Variants in AGPAT3 observed in about 807,000 individuals in gnomAD.
AGPAT3 encodes the protein 1-acyl-sn-glycerol-3-phosphate acyltransferase gamma.
In AGPAT3, 5 loss-of-function variants were observed where a neutral mutation model predicts 47.3. The ratio of observed to expected loss-of-function variants is 0.11; its 90% CI spans 0.06 to 0.22. The LOEUF is 0.22. Among genes scored for constraint, AGPAT3 ranks in the 10% least tolerant of loss-of-function variants. AGPAT3 has a pLI of 1.00. For missense variants in AGPAT3, 315 were observed against 493.0 expected, an observed-to-expected ratio of 0.64 and a Z score of 3.42; for synonymous variants, 212 against 208.3, an observed-to-expected ratio of 1.02 and a Z score of -0.15.
At chr21:43,979,298 C>CAAAAAAAAAAAAAAAAAAAA (rs540542305) in intron 8 of AGPAT3, among the ~76,000 whole-genome samples, 2 of 57,700 alleles carry the variant, frequency 3.5e-5, no homozygotes, top group African/African-American at 6.5e-5. Context: ...GACTCCAACT[C>CAAAAAAAAAAAAAAAAAAAA]AAAAAAAAAA....
intron 2 of AGPAT3, among the ~76,000 whole-genome samples, chr21:43,905,005 A>G (rs1159923863): frequency 6.6e-6 from 1 of 152,108 alleles, no homozygotes; most frequent in East Asian, 1.9e-4. Flanking sequence ...CATGAGCAAG[A>G]TTGAAGTGAC....
At chr21:43,938,545 C>T (rs1249551578) in intron 2 of AGPAT3, among the ~76,000 whole-genome samples, 6 of 152,016 alleles carry the variant, frequency 3.9e-5, no homozygotes, top group Admixed American at 6.5e-5. Context: ...CCACCAGCCT[C>T]GGCCTCCCAC....
intron 1 of AGPAT3, among the ~76,000 whole-genome samples, chr21:43,887,257 A>T (rs139900224): frequency 6.6e-6 from 1 of 152,226 alleles, no homozygotes; most frequent in Non-Finnish European, 1.5e-5. Context: ...AATATTCACC[A>T]TCTTCCTGCC....
chr21:43,977,895 A>C (rs900452515), intron 7 of AGPAT3, 151 bp from the exon 8 acceptor site: 8 of 617,376 alleles, frequency 1.3e-5, no homozygotes, highest in Non-Finnish European at 2.2e-5. Context: ...CAAAAAAAAA[A>C]AAAAGAAAAG....
rs942925648 is a variant in AGPAT3 at position 43,934,154 on chromosome 21, G to A, written c.-48-25480G>A. On this transcript the variant is annotated intron_variant, in intron 2 of 9. Coordinates refer to ENST00000291572, the MANE Select transcript of AGPAT3 (RefSeq NM_020132.5). This position sits in a 1 kb window ranked among gnomAD's most constrained non-coding sequence, Gnocchi z 4.7. ...ACAGGCAGACATGGGTGCCCGGCAC[G>A]CCAGCTCCCCGAGCACCAGCTCCCC... 3.9e-5 allele frequency among the ~76,000 whole-genome samples: 6 copies of A among 152,272 alleles called. No individual in the cohort carries two copies. The highest frequency in any genetic ancestry group is 1.9e-4 in the East Asian group (1 of 5,174).
chr21:43,914,762 G>A (rs1043788290), intron 2 of AGPAT3, among the ~76,000 whole-genome samples: 3 of 151,932 alleles, frequency 2.0e-5, no homozygotes, highest in South Asian at 4.2e-4. Flanking sequence ...GGCTGGTTTC[G>A]AACTCCTGGT....
intron 2 of AGPAT3, among the ~76,000 whole-genome samples, chr21:43,944,333 C>T (rs935208397): frequency 6.6e-6 from 1 of 152,266 alleles, no homozygotes; most frequent in African/African-American, 2.4e-5. Context: ...CCACACGTCC[C>T]TCCCCCGTGG....
At position 43,970,841 on chromosome 21, in the gene AGPAT3, T is replaced by C. The variant is rs1392088042; in HGVS notation, c.664+35T>C. 2.0e-6 allele frequency: 3 copies of C among 1,478,744 alleles called. No homozygotes were observed. The highest frequency in any genetic ancestry group is 1.8e-6 in the Non-Finnish European group (2 of 1,114,206). The allele number at this position is 1,478,744 out of a possible 1,614,324, so 91.6% of individuals were successfully genotyped here. On this transcript the variant is annotated intron_variant, in intron 6 of 9. Coordinates refer to ENST00000291572, the MANE Select transcript of AGPAT3 (RefSeq NM_020132.5). This position sits in a 1 kb window ranked among gnomAD's most constrained non-coding sequence, Gnocchi z 5.8. ...AGACTGCCCGAGCCGGGGCCACCGCTATGCTCACGGAAAATAGTGATTTCT... is the reference window on the plus strand; with the variant it reads ...AGACTGCCCGAGCCGGGGCCACCGCCATGCTCACGGAAAATAGTGATTTCT...
intron 8 of AGPAT3, among the ~76,000 whole-genome samples, chr21:43,979,164 G>GT (rs2089739778): frequency 6.6e-6 from 1 of 152,206 alleles, no homozygotes; most frequent in East Asian, 1.9e-4. Flanking sequence ...GCTGGGCCTG[G>GT]TGGCGCATGC....
chr21:43,940,973 C>T (rs1220214246), intron 2 of AGPAT3, among the ~76,000 whole-genome samples: 1 of 152,228 alleles, frequency 6.6e-6, no homozygotes, highest in Non-Finnish European at 1.5e-5. Flanking sequence ...TCCAGGCCTC[C>T]AGTGCTCGTT....
At chr21:43,962,744 C>T (rs887461412) in intron 3 of AGPAT3, among the ~76,000 whole-genome samples, 1 of 152,228 alleles carries the variant, frequency 6.6e-6, no homozygotes, top group African/African-American at 2.4e-5. Context: ...CTAGGGTTAA[C>T]AGTGACCCTT....
intron 7 of AGPAT3, among the ~76,000 whole-genome samples, chr21:43,976,071 TTA>T (rs993501023): frequency 4.0e-5 from 6 of 149,974 alleles, no homozygotes; most frequent in African/African-American, 1.5e-4. Context: ...AAAATGATTT[TTA>T]TTTTTTTTTT....
chr21:43,970,867 T>TAA lies in AGPAT3; in HGVS notation c.664+61_664+62insAA. On this transcript the variant is annotated intron_variant, in intron 6 of 9. Transcript: ENST00000291572. The surrounding 1 kb of genome is among the most constrained non-coding windows in gnomAD (Gnocchi z 5.8). ...ATGCTCACGGAAAATAGTGATTTCT[T>TAA]TAAAAAAAAAAAAAATGAGTGCATT... The TAA allele has an allele frequency of 1.4e-6, 2 of 1,392,134 alleles. No individual in the cohort carries two copies. The highest frequency in any genetic ancestry group is 9.3e-7 in the Non-Finnish European group (1 of 1,074,740). The allele number at this position is 1,392,134 out of a possible 1,614,324, so 86.2% of individuals were successfully genotyped here.
rs2087332386 is a variant in AGPAT3 at position 43,933,605 on chromosome 21, A to G, written c.-48-26029A>G. ...GTCCATGTGTTTTTATTCTTTCTTT[A>G]TGGTTGAGGAAACTGAGGCACAGCT... On this transcript the variant is annotated intron_variant, in intron 2 of 9. Coordinates refer to ENST00000291572, the MANE Select transcript of AGPAT3 (RefSeq NM_020132.5). This position sits in a 1 kb window ranked among gnomAD's most constrained non-coding sequence, Gnocchi z 6.0. Among the ~76,000 whole-genome samples, 1 of 151,028 alleles carries G rather than the reference A, an allele frequency of 6.6e-6. No individual in the cohort carries two copies. The highest frequency in any genetic ancestry group is 1.5e-5 in the Non-Finnish European group (1 of 67,826).
At chr21:43,961,848 G>A (rs1158340318) in intron 3 of AGPAT3, among the ~76,000 whole-genome samples, 1 of 152,186 alleles carries the variant, frequency 6.6e-6, no homozygotes, top group Non-Finnish European at 1.5e-5. Flanking sequence ...TCTCCTTCCA[G>A]TTCAGGAGCC....
intron 2 of AGPAT3, among the ~76,000 whole-genome samples, chr21:43,937,926 G>T (rs538298502): frequency 1.3e-5 from 2 of 152,240 alleles, no homozygotes; most frequent in Admixed American, 6.5e-5. Context: ...GGCAGAGGTT[G>T]TGTGGGCAGC....
intron 1 of AGPAT3, among the ~76,000 whole-genome samples, chr21:43,894,219 T>TC (rs1158662556): frequency 1.4e-5 from 2 of 141,268 alleles, no homozygotes; most frequent in Non-Finnish European, 3.1e-5. Context: ...CTTTCTTTCT[T>TC]TTTTTTTTTT....
At chr21:43,921,827 C>CT (rs2086901549) in intron 2 of AGPAT3, among the ~76,000 whole-genome samples, 1 of 151,950 alleles carries the variant, frequency 6.6e-6, no homozygotes, top group Non-Finnish European at 1.5e-5. Flanking sequence ...GCGTTAATTA[C>CT]TTTTTTAACA....
rs1257324015 is a variant in AGPAT3 at position 43,968,230 on chromosome 21, G to A, written c.348+115G>A. ...AGCAGGGGGTCCCTGCAGGGCTGGG[G>A]GTGGGGTGGTGACTGGGAGTGAGCT... On this transcript the variant is annotated intron_variant, in intron 4 of 9. Transcript: ENST00000291572. 7.2e-6 allele frequency: 9 copies of A among 1,256,064 alleles called. No homozygotes were observed. In the East Asian group the frequency reaches 2.0e-4, roughly 28 times the overall value. 77.8% of individuals were successfully genotyped at this position (1,256,064 alleles called of 1,614,324 possible). A position where few individuals can be genotyped will look rare whatever the true frequency, so the allele number is the denominator to read the frequency against.
Sources: allele counts gnomAD v4.1 joint callset (sites outside exome capture counted in the v4.1 genomes callset), GRCh38; gene constraint gnomAD v4.1.1; non-coding constraint Gnocchi (gnomAD v3.1); transcripts MANE v1.5; gene names NCBI Gene and HGNC (gene_info 2026-07-23, HGNC 2026-07-21).